Variants in PTPN3 observed in about 807,000 individuals in gnomAD.
PTPN3 encodes the protein tyrosine-protein phosphatase non-receptor type 3.
Under a neutral mutation model 132.7 loss-of-function variants are expected in PTPN3, and 96 were observed. The observed-to-expected ratio is 0.72, with a 90% CI of 0.61 to 0.86. The LOEUF is 0.86. Ranked by LOEUF, PTPN3 falls within the 40% of genes least tolerant of loss-of-function variation. The probability of loss-of-function intolerance (pLI) is 0.00; values close to 1 mark genes in which losing one functional copy is unlikely to be tolerated. For synonymous variants in PTPN3, 398 were observed against 429.0 expected (o/e 0.93, Z 0.89); for missense variants, 1,125 against 1,159.6 (o/e 0.97, Z 0.43).
At chr9:109,524,048 C>T in the PTPN3 span, among the ~76,000 whole-genome samples, 1 of 152,046 alleles carries the variant, frequency 6.6e-6, no homozygotes, top group Non-Finnish European at 1.5e-5. Context: ...GAGTTCAAGA[C>T]CAGCTTGGGT....
the PTPN3 span, among the ~76,000 whole-genome samples, chr9:109,506,500 T>C: frequency 5.3e-4 from 78 of 148,132 alleles, no homozygotes; most frequent in East Asian, 8.6e-3. Flanking sequence ...ACCTACCTTC[T>C]TTCCTTCCTT....
chr9:109,444,693 A>T (rs2131971870), intron 7 of PTPN3, among the ~76,000 whole-genome samples: 1 of 152,300 alleles, frequency 6.6e-6, no homozygotes, highest in East Asian at 1.9e-4. Context: ...TATATGATTC[A>T]CATTATATTT....
intron 1 of PTPN3, among the ~76,000 whole-genome samples, chr9:109,487,364 A>T (rs1445061401): frequency 6.6e-6 from 1 of 152,198 alleles, no homozygotes; most frequent in Non-Finnish European, 1.5e-5. Context: ...CAAAGCGCAG[A>T]GCATATTATC....
chr9:109,457,294 G>C lies in PTPN3; in HGVS notation c.244C>G (p.Pro82Ala). The C allele has an allele frequency of 6.2e-7, 1 of 1,613,692 alleles. No individual in the cohort carries two copies. The highest frequency in any genetic ancestry group is 2.2e-5 in the East Asian group (1 of 44,890). ...LQHDDDSVDS[P>A]RWLEASKAIR... Reference sequence around the variant, plus strand: ...CATTTTTTAAAAATGGCACTTACAGGAGAGTCCACGGAGTCGTCATCATGC... The same window carrying C: ...CATTTTTTAAAAATGGCACTTACAGCAGAGTCCACGGAGTCGTCATCATGC... The change falls in exon 3 of 26, where the codon CCT becomes GCT. Residue 82 changes from proline (P) to alanine (A), a missense_variant and splice_region_variant. Pro to Ala is a conservative substitution (Grantham distance 27). Coordinates refer to ENST00000374541, the MANE Select transcript of PTPN3 (RefSeq NM_002829.4).
chr9:109,525,852 A>G, the PTPN3 span, among the ~76,000 whole-genome samples: 2 of 152,240 alleles, frequency 1.3e-5, no homozygotes, highest in Non-Finnish European at 2.9e-5. Flanking sequence ...TAAGCTGTAT[A>G]CTTAAAATTG....
the PTPN3 span, chr9:109,533,445 C>T: frequency 5.2e-5 from 77 of 1,471,794 alleles, no homozygotes; most frequent in African/African-American, 1.4e-5. Context: ...CGCACCTGGC[C>T]GGTTTAGGGT....
chr9:109,416,899 T>C (rs1365599478), intron 14 of PTPN3, among the ~76,000 whole-genome samples: 3 of 152,182 alleles, frequency 2.0e-5, no homozygotes, highest in Admixed American at 1.3e-4. Context: ...TCAAGACAAC[T>C]GTGATAAAAT....
chr9:109,459,491 A>G (rs182600237), intron 2 of PTPN3, among the ~76,000 whole-genome samples: 33 of 152,360 alleles, frequency 2.2e-4, no homozygotes, highest in African/African-American at 7.9e-4. Flanking sequence ...CAGCCACGTG[A>G]TAAGAACAAT....
chr9:109,490,842 C>T (rs1486755639), intron 1 of PTPN3, among the ~76,000 whole-genome samples: 1 of 128,234 alleles, frequency 7.8e-6, no homozygotes, highest in Non-Finnish European at 1.6e-5. Flanking sequence ...CCGTACGCAA[C>T]CCATTTATAA....
chr9:109,406,762 T>A, intron 17 of PTPN3, 144 bp from the exon 18 acceptor site: 1 of 939,328 alleles, frequency 1.1e-6, no homozygotes, highest in Non-Finnish European at 1.6e-6. Flanking sequence ...ATTATTTGTA[T>A]AATGCATCCA....
At chr9:109,443,810 C>T (rs946879072) in intron 7 of PTPN3, among the ~76,000 whole-genome samples, 7 of 152,196 alleles carry the variant, frequency 4.6e-5, no homozygotes, top group Non-Finnish European at 1.0e-4. Context: ...GAGTTTCCCA[C>T]TAAGGAGGAG....
rs748649101 is a variant in PTPN3, at chr9:109,404,597, A to T, written c.1804T>A (p.Phe602Ile). ...LVIRRRAVRS[F>I]ADFKSEDELN... is the part of the protein sequence containing the mutation. ...TCATCTTCAGACTTGAAGTCAGCAA[A>T]TGAGCGGACAGCTGTAACGTACAAG... Residue 602 changes from phenylalanine to isoleucine, a missense_variant, in exon 19 of 26, where the codon TTT becomes ATT. Coordinates refer to ENST00000374541, the MANE Select transcript of PTPN3 (RefSeq NM_002829.4). 6.5e-7 allele frequency: 1 copy of T among 1,537,294 alleles called. No homozygotes were observed. The highest frequency in any genetic ancestry group is 1.3e-5 in the South Asian group (1 of 76,892).
At chr9:109,401,087 G>T (rs1231355917) in intron 19 of PTPN3, among the ~76,000 whole-genome samples, 1 of 152,204 alleles carries the variant, frequency 6.6e-6, no homozygotes, top group Non-Finnish European at 1.5e-5. Context: ...AAAAAGAAGG[G>T]TTTCCTACTT....
rs780583300 is a variant in PTPN3 at position 109,457,186 on chromosome 9, C to T, written c.276G>A (p.Arg92=). The change falls in exon 4 of 26, where the codon AGG becomes AGA. Residue 92 remains arginine (R), a synonymous_variant. Coordinates refer to ENST00000374541, the MANE Select transcript of PTPN3 (RefSeq NM_002829.4). ...GATCACACCAACCTTTTAACTGCTT[C>T]CTGATGGCTTTGCTTGCTTCCAGCC... ...PRWLEASKAI[R]KQLKGGFPCT... is the part of the protein sequence containing the mutation. The T allele has an allele frequency of 1.9e-6, 3 of 1,614,040 alleles. No individual in the cohort carries two copies. The South Asian group carries it at 3.3e-5, about 18-fold the overall frequency.
intron 17 of PTPN3, 55 bp from the exon 18 acceptor site, chr9:109,406,673 G>A: frequency 6.3e-7 from 1 of 1,594,204 alleles, no homozygotes; most frequent in South Asian, 1.1e-5. Context: ...GTCCTTGGGG[G>A]AAGAACGCTG....
intron 14 of PTPN3, among the ~76,000 whole-genome samples, chr9:109,412,608 C>T (rs772934345): frequency 6.6e-6 from 1 of 152,046 alleles, no homozygotes; most frequent in Non-Finnish European, 1.5e-5. Flanking sequence ...CTCTTGACCT[C>T]GTGATCCACC....
chr9:109,475,627 C>T (rs1308617339), intron 1 of PTPN3, among the ~76,000 whole-genome samples: 1 of 152,202 alleles, frequency 6.6e-6, no homozygotes, highest in African/African-American at 2.4e-5. Flanking sequence ...TACAAAAATA[C>T]TCTGCTAATA....
chr9:109,504,479 T>C, the PTPN3 span, among the ~76,000 whole-genome samples: 2 of 152,192 alleles, frequency 1.3e-5, no homozygotes, highest in African/African-American at 2.4e-5. Context: ...CAAAATTATA[T>C]AGCAGCCCTC....
chr9:109,410,975 C>T (rs1231150842), intron 14 of PTPN3, among the ~76,000 whole-genome samples: 4 of 152,206 alleles, frequency 2.6e-5, no homozygotes, highest in African/African-American at 7.2e-5. Context: ...TTTCCTCTAT[C>T]GAATATAGTT....
Sources: gnomAD v4.1 joint callset for allele counts (sites outside exome capture counted in the v4.1 genomes callset) on GRCh38, gnomAD v4.1.1 for gene constraint, MANE v1.5 for transcripts, NCBI Gene and HGNC (gene_info 2026-07-23, HGNC 2026-07-21) for gene names.